The following MCTP2 variants were observed in gnomAD, a reference collection of about 807,000 sequenced individuals.
MCTP2 encodes the protein multiple C2 and transmembrane domain containing 2.
Under a neutral mutation model 111.6 loss-of-function variants are expected in MCTP2, and 132 were observed. That is an observed-to-expected ratio of 1.18 (90% confidence interval 1.03 to 1.37). MCTP2 has a LOEUF of 1.37. Ranked by LOEUF, MCTP2 falls within the 40% of genes most tolerant of loss-of-function variation. The pLI is 0.00. For missense variants in MCTP2, 1,183 were observed against 1,067.9 expected (o/e 1.11, Z -1.50); for synonymous variants, 395 against 387.7 (o/e 1.02, Z -0.22).
chr15:94,381,501 G>C (rs1018517447), intron 12 of MCTP2, among the ~76,000 whole-genome samples: 1 of 152,148 alleles, frequency 6.6e-6, no homozygotes, highest in South Asian at 2.1e-4. Flanking sequence ...GAGAGAGCGG[G>C]AGCCACAGAA....
At chr15:94,419,606 C>T (rs532874413) in intron 17 of MCTP2, among the ~76,000 whole-genome samples, 34 of 152,186 alleles carry the variant, frequency 2.2e-4, no homozygotes, top group African/African-American at 7.2e-4. Context: ...CTCCTACACC[C>T]ACTGATTTCT....
At chr15:94,409,279 A>G (rs1310782340) in intron 17 of MCTP2, among the ~76,000 whole-genome samples, 1 of 151,530 alleles carries the variant, frequency 6.6e-6, no homozygotes, top group East Asian at 1.9e-4. Context: ...TGAACATCGG[A>G]CTCCGAGTTC....
chr15:94,267,298 A>T (rs528201575), intron 1 of MCTP2, among the ~76,000 whole-genome samples: 1 of 152,228 alleles, frequency 6.6e-6, no homozygotes, highest in Non-Finnish European at 1.5e-5. Flanking sequence ...GTCATTAAGA[A>T]TGATATCATA....
chr15:94,456,344 G>T (rs1425252074), intron 19 of MCTP2, among the ~76,000 whole-genome samples: 1 of 152,176 alleles, frequency 6.6e-6, no homozygotes, highest in Admixed American at 6.5e-5. Context: ...TTAGACAGTT[G>T]AAATAGGAAG....
chr15:94,318,935 A>G (rs939629840), intron 4 of MCTP2, among the ~76,000 whole-genome samples: 17 of 152,310 alleles, frequency 1.1e-4, no homozygotes, highest in East Asian at 3.9e-4. Flanking sequence ...ATTTTGTGCA[A>G]ACCTAATATA....
intron 1 of MCTP2, among the ~76,000 whole-genome samples, chr15:94,236,678 A>T (rs1324044279): frequency 6.6e-6 from 1 of 152,140 alleles, no homozygotes; most frequent in Non-Finnish European, 1.5e-5. Flanking sequence ...GTTGTGCTAA[A>T]TATTATGTTA....
chr15:94,253,430 C>G lies in MCTP2; in HGVS notation c.-66+21766C>G, dbSNP rs115069075. On this transcript the variant is annotated intron_variant, in intron 1 of 22. Transcript: ENST00000357742. ...GCTGCTGCCTGCTCCCTATTCCTCT[C>G]CAACACATATAATCAGCAAATTACA... 8.6e-3 allele frequency among the ~76,000 whole-genome samples: 1,317 copies of G among 152,290 alleles called. 11 individuals are homozygous for G. The highest frequency in any genetic ancestry group is 0.015 in the Non-Finnish European group (1,036 of 68,020).
At chr15:94,401,822 A>G in intron 16 of MCTP2, 78 bp from the exon 17 acceptor site, 1 of 1,088,464 alleles carries the variant, frequency 9.2e-7, no homozygotes. Flanking sequence ...TATAATTTAA[A>G]TGATCAGGGT....
At chr15:94,335,026 G>A (rs371924318) in intron 4 of MCTP2, among the ~76,000 whole-genome samples, 4 of 152,258 alleles carry the variant, frequency 2.6e-5, no homozygotes, top group East Asian at 1.9e-4. Flanking sequence ...GGGACTTTCC[G>A]AAACCTTGAG....
intron 18 of MCTP2, among the ~76,000 whole-genome samples, chr15:94,442,316 T>C (rs1191607555): frequency 6.6e-6 from 1 of 152,254 alleles, no homozygotes; most frequent in Non-Finnish European, 1.5e-5. Context: ...CCGTTAGCAG[T>C]ACAGCTGGTG....
intron 4 of MCTP2, among the ~76,000 whole-genome samples, chr15:94,332,363 T>C (rs371872521): frequency 7.1e-4 from 108 of 152,304 alleles, no homozygotes; most frequent in African/African-American, 2.5e-3. Context: ...AAAGAGAAGA[T>C]CCTAAATATG....
rs11370437 is a variant in MCTP2, at chr15:94,262,661, CT to C, written c.-66+31008del. Among the ~76,000 whole-genome samples the C allele has an allele frequency of 5.0e-3, 735 of 146,692 alleles. 4 individuals are homozygous for C. The highest frequency in any genetic ancestry group is 0.015 in the African/African-American group (582 of 40,006). On this transcript the variant is annotated intron_variant, in intron 1 of 22. Transcript: ENST00000357742. The stretch of plus-strand genomic sequence containing the variant: ...TCTATGGAAAAACCTCTATTTCTTT[CT>C]TTTTTTTTTTGTGGGGGTGCGTGGA...
At chr15:94,313,765 C>G (rs563716493) in intron 2 of MCTP2, among the ~76,000 whole-genome samples, 3 of 152,124 alleles carry the variant, frequency 2.0e-5, no homozygotes, top group African/African-American at 7.2e-5. Context: ...GTCATCTGTT[C>G]AGAATTTGCA....
intron 1 of MCTP2, among the ~76,000 whole-genome samples, chr15:94,243,710 T>C (rs1440274098): frequency 1.5e-5 from 2 of 129,082 alleles, no homozygotes; most frequent in African/African-American, 3.5e-5. Flanking sequence ...TATATACACA[T>C]ATATGTATAC....
At chr15:94,323,054 C>G (rs1331816401) in intron 4 of MCTP2, among the ~76,000 whole-genome samples, 1 of 152,208 alleles carries the variant, frequency 6.6e-6, no homozygotes, top group Non-Finnish European at 1.5e-5. Flanking sequence ...GAGGTTTTAT[C>G]TAAATCACTC....
At chr15:94,303,027 G>T (rs1042040117) in intron 2 of MCTP2, among the ~76,000 whole-genome samples, 1 of 120,704 alleles carries the variant, frequency 8.3e-6, no homozygotes, top group African/African-American at 3.2e-5. Flanking sequence ...GAAACTCCCT[G>T]TATTAGGGTT....
chr15:94,382,136 A>G (rs1470109230), intron 12 of MCTP2, among the ~76,000 whole-genome samples: 1 of 152,220 alleles, frequency 6.6e-6, no homozygotes, highest in East Asian at 1.9e-4. Context: ...AAGAAGCAGG[A>G]GTAGAGAATT....
At chr15:94,273,651 C>A in intron 1 of MCTP2, 1 of 196,880 alleles carries the variant, frequency 5.1e-6, no homozygotes, top group Non-Finnish European at 1.1e-5. Flanking sequence ...CTGCAAGGAC[C>A]ACGAGGTCCA....
chr15:94,387,481 T>A (rs558992464), intron 14 of MCTP2, among the ~76,000 whole-genome samples: 1 of 152,260 alleles, frequency 6.6e-6, no homozygotes, highest in East Asian at 1.9e-4. Flanking sequence ...AAATACAAGG[T>A]AGAATGTCTC....
Sources: allele counts gnomAD v4.1 joint callset (sites outside exome capture counted in the v4.1 genomes callset), GRCh38; gene constraint gnomAD v4.1.1; transcripts MANE v1.5; gene names NCBI Gene and HGNC (gene_info 2026-07-23, HGNC 2026-07-21).